The following SCN2A variants were observed in gnomAD, a reference collection of about 807,000 sequenced individuals.
SCN2A encodes the protein sodium channel protein type 2 subunit alpha.
In SCN2A, 20 loss-of-function variants were observed where a neutral mutation model predicts 188.7. That is an observed-to-expected ratio of 0.11 (90% CI 0.07 to 0.15). SCN2A has a LOEUF of 0.15. Ranked by LOEUF, SCN2A falls within the 10% of genes least tolerant of loss-of-function variation. The probability of loss-of-function intolerance (pLI) is 1.00; values close to 1 mark genes in which losing one functional copy is unlikely to be tolerated. For missense variants in SCN2A, 1,278 were observed against 2,445.0 expected (o/e 0.52, Z 10.07); for synonymous variants, 804 against 833.1 (o/e 0.97, Z 0.60).
chr2:165,365,180 T>A lies in SCN2A; in HGVS notation c.3437T>A (p.Val1146Asp). 1 of 1,613,898 alleles carries A rather than the reference T, an allele frequency of 6.2e-7. No individual in the cohort carries two copies. The highest frequency in any genetic ancestry group is 8.5e-7 in the Non-Finnish European group (1 of 1,179,852). Residue 1146 changes from valine to aspartate, a missense_variant, in exon 18 of 27, where the codon GTT (valine) becomes GAT (aspartate). Val to Asp is a radical substitution (Grantham distance 152). Around this residue, in one of 17 missense-constraint regions of SCN2A, gnomAD observed 228 missense variants for 297.3 expected, o/e 0.77. Coordinates refer to ENST00000375437, the MANE Select transcript of SCN2A (RefSeq NM_001040142.2). ...NATSSSEGST[V>D]DIGAPAEGEQ... ...ACTAGTTCATCTGAAGGCAGCACGG[T>A]TGATATTGGAGCTCCCGCCGAGGGA...
Position 165,377,599 on chromosome 2 carries a change from C to T in SCN2A, c.4257C>T (p.Ala1419=), listed in dbSNP as rs141153302. ...GLGYLSLLQV[A]TFKGWMDIMY... is the part of the protein sequence containing the mutation. ...AAATGATATGACTTTTCTTACAGGC[C>T]ACGTTTAAGGGATGGATGGATATTA... is the stretch of plus-strand genomic sequence containing the variant. The change falls in exon 23 of 27, where the codon GCC becomes GCT. Residue 1419 remains alanine (A), a splice_region_variant and synonymous_variant. Transcript: ENST00000375437. 117 of 1,603,294 alleles carry T rather than the reference C, an allele frequency of 7.3e-5. No homozygotes were observed. In the African/African-American group the frequency reaches 1.4e-3, roughly 19 times the overall value.
intron 1 of SCN2A, among the ~76,000 whole-genome samples, chr2:165,288,289 T>C (rs1695940285): frequency 6.6e-6 from 1 of 152,208 alleles, no homozygotes; most frequent in Non-Finnish European, 1.5e-5. Flanking sequence ...TAAATAGCCA[T>C]TGTTCAAATG....
chr2:165,330,672 G>A (rs369920697), intron 13 of SCN2A, among the ~76,000 whole-genome samples: 2 of 152,178 alleles, frequency 1.3e-5, no homozygotes, highest in South Asian at 2.1e-4. Flanking sequence ...AGTAATAAAT[G>A]AGTTCCACTT....
chr2:165,259,931 A>ATTTTT lies in SCN2A; in HGVS notation c.-52+20312_-52+20316dup, dbSNP rs140137535. Among the ~76,000 whole-genome samples, 41 of 89,470 alleles carry ATTTTT rather than the reference A, an allele frequency of 4.6e-4. 1 individual carries two copies. The highest frequency in any genetic ancestry group is 1.7e-3 in the African/African-American group (36 of 21,550). 58.7% of individuals were successfully genotyped at this position (89,470 alleles called of 152,430 possible). The stretch of plus-strand genomic sequence containing the variant: ...ATGGCACCTGTAGCCCTAAAAATGG[A>ATTTTT]TTTTTTTTTTTTTTTTTTTTTTTTT... On this transcript the variant is annotated intron_variant, in intron 1 of 26. Transcript: ENST00000375437.
Position 165,265,491 on chromosome 2 carries a change from A to C in SCN2A, c.-52+25851A>C, listed in dbSNP as rs1318131689. Among the ~76,000 whole-genome samples the C allele has an allele frequency of 4.3e-4, 51 of 117,560 alleles. 1 individual carries two copies. The East Asian group carries it at 7.1e-3, about 16-fold the overall frequency. 77.1% of individuals were successfully genotyped at this position (117,560 alleles called of 152,430 possible). A position where few individuals can be genotyped will look rare whatever the true frequency, so the allele number is the denominator to read the frequency against. ...TTGATCTATATATATATATATATATATATATATATATATATATATATATAT... is the reference window on the plus strand; with the variant it reads ...TTGATCTATATATATATATATATATCTATATATATATATATATATATATAT... On this transcript the variant is annotated intron_variant, in intron 1 of 26. Coordinates refer to ENST00000375437, the MANE Select transcript of SCN2A (RefSeq NM_001040142.2).
chr2:165,282,386 C>A (rs989282966), intron 1 of SCN2A, among the ~76,000 whole-genome samples: 2 of 152,136 alleles, frequency 1.3e-5, no homozygotes, highest in African/African-American at 2.4e-5. Context: ...GGGATGGGGG[C>A]AGACATTATC....
chr2:165,307,157 C>T (rs7587594), intron 3 of SCN2A, among the ~76,000 whole-genome samples: 35,698 of 151,944 alleles, frequency 0.23, 4,485 homozygotes, highest in East Asian at 0.36. Flanking sequence ...GCATCTATTA[C>T]GCACTAGGGC....
At chr2:165,251,732 T>C (rs1694104197) in intron 1 of SCN2A, among the ~76,000 whole-genome samples, 1 of 152,102 alleles carries the variant, frequency 6.6e-6, no homozygotes, top group African/African-American at 2.4e-5. Context: ...TAATATACCT[T>C]TGTAAATAAT....
intron 1 of SCN2A, among the ~76,000 whole-genome samples, chr2:165,256,153 C>G (rs2106077457): frequency 6.6e-6 from 1 of 151,870 alleles, no homozygotes; most frequent in Middle Eastern, 3.4e-3. Flanking sequence ...CTACAGGCAC[C>G]TGCCCCCACG....
chr2:165,313,823 G>C, intron 9 of SCN2A, 62 bp downstream of exon 9: 1 of 1,611,688 alleles, frequency 6.2e-7, no homozygotes. Flanking sequence ...GAGAATTGCT[G>C]TAGAATATTT....
Position 165,370,312 on chromosome 2 carries a change from C to T in SCN2A, c.3849+13C>T. On this transcript the variant is annotated intron_variant, in intron 20 of 26. Coordinates refer to ENST00000375437, the MANE Select transcript of SCN2A (RefSeq NM_001040142.2). ...CCTGATTGTTGATGTGAGTATGCTG[C>T]ACTTTGCTGCTTTATTCATTGGCAT... The T allele has an allele frequency of 6.2e-7, 1 of 1,613,792 alleles. No individual in the cohort carries two copies. Among genetic ancestry groups the T allele is most frequent in the Non-Finnish European group, 8.5e-7 (1 of 1,179,764 alleles).
At position 165,323,314 on chromosome 2, in the gene SCN2A, T is replaced by G; in HGVS notation, c.1830T>G (p.Ser610=). 6.2e-7 allele frequency: 1 copy of G among 1,614,178 alleles called. No homozygotes were observed. The highest frequency in any genetic ancestry group is 8.5e-7 in the Non-Finnish European group (1 of 1,180,034). Residue 610 remains serine, a synonymous_variant, in exon 12 of 27, where the codon TCT becomes TCG. Transcript: ENST00000375437. ...TFEDNDSRRD[S]LFVPHRHGER... ...AGGACAATGACAGCCGAAGAGACTC[T>G]CTGTTCGTGCCGCACAGACATGGAG...
chr2:165,322,576 A>C (rs2105275358), intron 11 of SCN2A, among the ~76,000 whole-genome samples: 1 of 152,332 alleles, frequency 6.6e-6, no homozygotes, highest in Admixed American at 6.5e-5. Flanking sequence ...GCTTGATTTA[A>C]TTTATTCATG....
intron 15 of SCN2A, among the ~76,000 whole-genome samples, chr2:165,344,192 A>G (rs1055523694): frequency 6.6e-6 from 1 of 152,180 alleles, no homozygotes; most frequent in Admixed American, 6.5e-5. Flanking sequence ...TAAACTGCCA[A>G]TTTAAAAACT....
rs370552463 is a variant in SCN2A at position 165,295,909 on chromosome 2, T to C, written c.86T>C (p.Ile29Thr). 6.2e-7 allele frequency: 1 copy of C among 1,614,102 alleles called. No homozygotes were observed. ...TCCCTTGCTGCTATTGAACAACGCA[T>C]TGCAGAAGAGAAAGCTAAGAGACCC... is the stretch of plus-strand genomic sequence containing the variant. ...RESLAAIEQR[I>T]AEEKAKRPKQ... The change falls in exon 2 of 27, where the codon ATT becomes ACT. Residue 29 changes from isoleucine to threonine, a missense_variant. By Grantham distance (89) the Ile-to-Thr change is moderately conservative. Around this residue, in one of 17 missense-constraint regions of SCN2A, gnomAD observed 141 missense variants for 185.4 expected, o/e 0.76. Coordinates refer to ENST00000375437, the MANE Select transcript of SCN2A (RefSeq NM_001040142.2).
At chr2:165,240,659 C>CTGTGTGTGTGTGTGTGTGTGTGTG (rs35247335) in intron 1 of SCN2A, among the ~76,000 whole-genome samples, 42 of 136,468 alleles carry the variant, frequency 3.1e-4, no homozygotes, top group African/African-American at 4.1e-4. Flanking sequence ...GTGGAAAGAG[C>CTGTGTGTGTGTGTGTGTGTGTGTG]TGTGTGTGTG....
At chr2:165,253,886 G>A (rs149689251) in intron 1 of SCN2A, among the ~76,000 whole-genome samples, 138 of 151,970 alleles carry the variant, frequency 9.1e-4, no homozygotes, top group African/African-American at 3.0e-3. Context: ...GGACAATTAT[G>A]TCATGCCTTT....
chr2:165,347,429 C>A (rs1574648717), intron 16 of SCN2A, among the ~76,000 whole-genome samples: 1 of 151,650 alleles, frequency 6.6e-6, no homozygotes, highest in East Asian at 2.0e-4. Flanking sequence ...ACATCACACA[C>A]TGAGGCCTGT....
At chr2:165,353,439 C>T (rs931776790) in intron 16 of SCN2A, among the ~76,000 whole-genome samples, 6 of 151,984 alleles carry the variant, frequency 3.9e-5, no homozygotes, top group South Asian at 2.1e-4. Context: ...TCAGTGTTTC[C>T]GGAAATCCAA....
Sources: gnomAD v4.1 joint callset for allele counts (sites outside exome capture counted in the v4.1 genomes callset) on GRCh38, gnomAD v4.1.1 for gene constraint, gnomAD v4.1.1 regional missense constraint, MANE v1.5 for transcripts, NCBI Gene and HGNC (gene_info 2026-07-23, HGNC 2026-07-21) for gene names.